Variants in DISC1 observed in about 807,000 individuals in gnomAD.
DISC1 encodes disrupted in schizophrenia 1 protein.
In DISC1, 57 loss-of-function variants were observed where a neutral mutation model predicts 84.5. The observed-to-expected ratio is 0.67, with a 90% CI of 0.55 to 0.84. The LOEUF (loss-of-function observed/expected upper bound fraction) is 0.84, where lower values mean the gene tolerates loss of function less well. DISC1 is among the 40% of genes least tolerant of loss of function. DISC1 has a pLI of 0.00. For missense variants in DISC1, 1,000 were observed against 1,057.8 expected (o/e 0.95, Z 0.76); for synonymous variants, 411 against 415.2 (o/e 0.99, Z 0.12).
At chr1:231,841,217 C>G (rs2083030939) in intron 9 of DISC1, among the ~76,000 whole-genome samples, 1 of 152,194 alleles carries the variant, frequency 6.6e-6, no homozygotes, top group Admixed American at 6.5e-5. Flanking sequence ...CACTTTTGGT[C>G]CTAAGCATTT....
In DISC1 at chr1:231,897,640, A is replaced by G. The variant is rs1216950175; in HGVS notation, c.1982-61188A>G. On this transcript the variant is annotated intron_variant, in intron 9 of 12. Transcript: ENST00000439617. This position sits in a 1 kb window ranked among gnomAD's most constrained non-coding sequence, Gnocchi z 4.5. ...TTTGGGCTGCTGTCAGTGCTCTGAC[A>G]CAAAGTTTCCCATCTGATTTTGAGC... is the stretch of plus-strand genomic sequence containing the variant. Among the ~76,000 whole-genome samples the G allele has an allele frequency of 1.3e-5, 2 of 152,126 alleles. No homozygotes were observed.
intron 9 of DISC1, among the ~76,000 whole-genome samples, chr1:231,945,431 C>A (rs1051186257): frequency 6.6e-6 from 1 of 152,114 alleles, no homozygotes; most frequent in African/African-American, 2.4e-5. Flanking sequence ...AAAGACACAA[C>A]AAAGCAGAAT....
At chr1:231,802,702 C>T (rs1236379961) in intron 8 of DISC1, among the ~76,000 whole-genome samples, 3 of 152,180 alleles carry the variant, frequency 2.0e-5, no homozygotes, top group Non-Finnish European at 4.4e-5. Context: ...CATTTCATCA[C>T]AGGCATTGAC....
At chr1:231,710,867 A>G (rs1273423061) in intron 3 of DISC1, among the ~76,000 whole-genome samples, 1 of 152,176 alleles carries the variant, frequency 6.6e-6, no homozygotes, top group Non-Finnish European at 1.5e-5. Flanking sequence ...CAACATATGA[A>G]TATTGCAGGG....
At chr1:231,746,453 T>G (rs182686793) in intron 3 of DISC1, among the ~76,000 whole-genome samples, 28 of 152,312 alleles carry the variant, frequency 1.8e-4, no homozygotes, top group Non-Finnish European at 3.5e-4. Flanking sequence ...TCCTTTCTTT[T>G]GGATAAATGT....
chr1:231,979,156 CAT>C (rs1663241500), intron 10 of DISC1, among the ~76,000 whole-genome samples: 1 of 151,892 alleles, frequency 6.6e-6, no homozygotes, highest in Admixed American at 6.6e-5. Context: ...CACTGTCTCC[CAT>C]CACCCCCAGA....
At chr1:231,741,042 C>T (rs2073196982) in intron 3 of DISC1, among the ~76,000 whole-genome samples, 1 of 152,160 alleles carries the variant, frequency 6.6e-6, no homozygotes, top group Non-Finnish European at 1.5e-5. Context: ...AGCTTGTGCA[C>T]ATCTGAGTGT....
intron 4 of DISC1, among the ~76,000 whole-genome samples, chr1:231,756,115 T>C (rs2075087068): frequency 6.6e-6 from 1 of 152,212 alleles, no homozygotes; most frequent in South Asian, 2.1e-4. Context: ...CTTACTGAAA[T>C]ATTATATGTT....
chr1:231,832,933 A>C (rs2093549), intron 9 of DISC1, among the ~76,000 whole-genome samples: 81,916 of 99,256 alleles, frequency 0.83, 35,623 homozygotes, highest in Non-Finnish European at 0.87. Flanking sequence ...CATTTTAAAG[A>C]GTGCTGTGGG....
chr1:231,712,678 T>C (rs1376188239), intron 3 of DISC1, among the ~76,000 whole-genome samples: 1 of 152,170 alleles, frequency 6.6e-6, no homozygotes, highest in Admixed American at 6.5e-5. Context: ...CCTTACTTAT[T>C]GTGGATGTCT....
Position 232,031,254 on chromosome 1 carries a change from G to A in DISC1, c.2425+4702G>A, listed in dbSNP as rs1670005365. Among the ~76,000 whole-genome samples, 1 of 146,254 alleles carries A rather than the reference G, an allele frequency of 6.8e-6. No homozygotes were observed. The highest frequency in any genetic ancestry group is 2.2e-4 in the South Asian group (1 of 4,500). ...GAGAGAAAGAGAGGAAGGAAGGAAG[G>A]AGAAAGAAAGATAAAGAAAGAAAAA... On this transcript the variant is annotated intron_variant, in intron 12 of 12. Coordinates refer to ENST00000439617, the MANE Select transcript of DISC1 (RefSeq NM_018662.3). This position sits in a 1 kb window ranked among gnomAD's most constrained non-coding sequence, Gnocchi z 4.6.
chr1:232,006,067 C>G (rs1270596450), intron 10 of DISC1, among the ~76,000 whole-genome samples: 1 of 152,230 alleles, frequency 6.6e-6, no homozygotes, highest in Non-Finnish European at 1.5e-5. Flanking sequence ...GCCACAGTCA[C>G]TCCTTTCTAT....
At chr1:231,787,438 G>T (rs560447011) in intron 6 of DISC1, among the ~76,000 whole-genome samples, 2 of 151,956 alleles carry the variant, frequency 1.3e-5, no homozygotes, top group Admixed American at 1.3e-4. Context: ...GAGAGCGCTG[G>T]AGAGAGAGAG....
rs918801460 is a variant in DISC1 at position 231,694,901 on chromosome 1, A to G, written c.1047+96A>G. The G allele has an allele frequency of 2.6e-6, 4 of 1,537,830 alleles. No individual in the cohort carries two copies. In the Admixed American group the frequency reaches 5.8e-5, roughly 22 times the overall value. ...AAACGAGGGGTTCTGGGCTCAACTG[A>G]CTTCCTCCTGGAAGCTGCAGCAGCT... On this transcript the variant is annotated intron_variant, in intron 2 of 12. Coordinates refer to ENST00000439617, the MANE Select transcript of DISC1 (RefSeq NM_018662.3).
chr1:231,914,325 C>T (rs1008722322), intron 9 of DISC1, among the ~76,000 whole-genome samples: 1 of 152,248 alleles, frequency 6.6e-6, no homozygotes, highest in Non-Finnish European at 1.5e-5. Context: ...ACCCTGTCTG[C>T]AAGCGGAGCT....
chr1:231,927,134 G>A (rs1487983334), intron 9 of DISC1, among the ~76,000 whole-genome samples: 4 of 152,150 alleles, frequency 2.6e-5, no homozygotes, highest in African/African-American at 9.7e-5. Context: ...CTAGAAAGGC[G>A]AATCCCTTTT....
At chr1:231,735,446 T>C (rs1347927749) in intron 3 of DISC1, among the ~76,000 whole-genome samples, 1 of 152,190 alleles carries the variant, frequency 6.6e-6, no homozygotes, top group Non-Finnish European at 1.5e-5. Context: ...AATGAATTGA[T>C]AGAATAGTTT....
intron 10 of DISC1, among the ~76,000 whole-genome samples, chr1:231,972,722 G>A (rs1662178635): frequency 6.6e-6 from 1 of 152,204 alleles, no homozygotes. Context: ...TCACGACATA[G>A]GATTTTAGAG....
At chr1:231,892,061 G>GC (rs1045265278) in intron 9 of DISC1, among the ~76,000 whole-genome samples, 11 of 152,036 alleles carry the variant, frequency 7.2e-5, no homozygotes, top group African/African-American at 9.7e-5. Context: ...AGAGTCTCCT[G>GC]CCCCCCCACC....
Sources: gnomAD v4.1 joint callset for allele counts (sites outside exome capture counted in the v4.1 genomes callset) on GRCh38, gnomAD v4.1.1 for gene constraint, Gnocchi (gnomAD v3.1) non-coding constraint, MANE v1.5 for transcripts, NCBI Gene and HGNC (gene_info 2026-07-23, HGNC 2026-07-21) for gene names.